Variants in C10orf90 observed in about 807,000 individuals in gnomAD.
The protein encoded by C10orf90 is (E2-independent) E3 ubiquitin-conjugating enzyme FATS.
In C10orf90, 56 loss-of-function variants were observed where a neutral mutation model predicts 62.5. That is an observed-to-expected ratio of 0.90 (90% confidence interval 0.72 to 1.12). The LOEUF (loss-of-function observed/expected upper bound fraction) is 1.12. Ranked by LOEUF, C10orf90 falls within the 50% of genes most tolerant of loss-of-function variation. The probability of loss-of-function intolerance (pLI) is 0.00; values close to 1 mark genes in which losing one functional copy is unlikely to be tolerated. For missense variants in C10orf90, 970 were observed against 880.4 expected (o/e 1.10, Z -1.29); for synonymous variants, 386 against 340.4 (o/e 1.13, Z -1.47).
chr10:126,624,247 A>G (rs2842156), intron 2 of C10orf90, among the ~76,000 whole-genome samples: 86,176 of 151,710 alleles, frequency 0.57, 24,617 homozygotes, highest in Middle Eastern at 0.68. Context: ...TGGGGAGGCC[A>G]AGGCAGGAGA....
chr10:126,454,653 G>A (rs1431680691), intron 7 of C10orf90, among the ~76,000 whole-genome samples: 1 of 151,044 alleles, frequency 6.6e-6, no homozygotes, highest in Non-Finnish European at 1.5e-5. Context: ...TGCAGGTACT[G>A]TCCCCACTAT....
chr10:126,660,025 A>G lies in C10orf90; in HGVS notation c.240+10216T>C, dbSNP rs117735636. Among the ~76,000 whole-genome samples the G allele has an allele frequency of 2.2e-3, 336 of 152,290 alleles. 9 individuals are homozygous for G. The East Asian group carries it at 0.06, about 27-fold the overall frequency. The stretch of plus-strand genomic sequence containing the variant: ...TGCCTCATGGAGCTCCCAGACAGAG[A>G]CTCCAACCTACGTGCTTTCAATCCC... On this transcript the variant is annotated intron_variant, in intron 1 of 9. Transcript: ENST00000488181.
At chr10:126,645,588 T>TAAAAAA (rs779008025) in intron 2 of C10orf90, among the ~76,000 whole-genome samples, 4 of 93,186 alleles carry the variant, frequency 4.3e-5, no homozygotes, top group Non-Finnish European at 6.8e-5. Context: ...AGACCCTGCC[T>TAAAAAA]AAAAAAAAAA....
At chr10:126,579,017 T>A (rs1191144460) in intron 2 of C10orf90, among the ~76,000 whole-genome samples, 1 of 152,124 alleles carries the variant, frequency 6.6e-6, no homozygotes, top group Non-Finnish European at 1.5e-5. Flanking sequence ...ACTGTACACT[T>A]GTAAAATGTG....
chr10:126,616,187 T>A (rs1845537514), intron 2 of C10orf90, among the ~76,000 whole-genome samples: 1 of 152,186 alleles, frequency 6.6e-6, no homozygotes, highest in South Asian at 2.1e-4. Context: ...AGGTGTGGAA[T>A]AAACTGGTTC....
rs144807067 is a variant in C10orf90 at position 126,560,657 on chromosome 10, C to T, written c.314-46718G>A. On this transcript the variant is annotated intron_variant, in intron 2 of 9. Coordinates refer to ENST00000488181, the MANE Select transcript of C10orf90 (RefSeq NM_001350921.2). ...AGCCATCCCCATGGAGACGCCTGCTCTTCTGTGCTAGAGGTCAGCAAACGT... is the reference window on the plus strand; with the variant it reads ...AGCCATCCCCATGGAGACGCCTGCTTTTCTGTGCTAGAGGTCAGCAAACGT... 2.9e-3 allele frequency among the ~76,000 whole-genome samples: 449 copies of T among 152,250 alleles called. 2 individuals are homozygous for T. The highest frequency in any genetic ancestry group is 4.0e-3 in the Non-Finnish European group (272 of 68,012).
chr10:126,519,704 T>C (rs1473253578), intron 2 of C10orf90, among the ~76,000 whole-genome samples: 1 of 152,226 alleles, frequency 6.6e-6, no homozygotes, highest in Non-Finnish European at 1.5e-5. Context: ...TTGGTGTGAT[T>C]TGGCGCTATT....
At chr10:126,609,132 GT>G (rs1170558448) in intron 2 of C10orf90, among the ~76,000 whole-genome samples, 1 of 152,196 alleles carries the variant, frequency 6.6e-6, no homozygotes, top group Non-Finnish European at 1.5e-5. Context: ...GCCAGGCGTG[GT>G]GGCTCACGCC....
intron 2 of C10orf90, among the ~76,000 whole-genome samples, chr10:126,558,771 T>C (rs570993975): frequency 6.6e-6 from 1 of 152,214 alleles, no homozygotes; most frequent in Non-Finnish European, 1.5e-5. Context: ...CCACTAGTAA[T>C]GTGTCTCTCT....
chr10:126,428,895 G>T (rs962820294), intron 8 of C10orf90, among the ~76,000 whole-genome samples: 1 of 151,924 alleles, frequency 6.6e-6, no homozygotes, highest in African/African-American at 2.4e-5. Flanking sequence ...CCTCATTTTC[G>T]CTTCCTTATT....
At chr10:126,647,592 G>C (rs1429901101) in intron 1 of C10orf90, among the ~76,000 whole-genome samples, 1 of 152,188 alleles carries the variant, frequency 6.6e-6, no homozygotes, top group African/African-American at 2.4e-5. Context: ...GAATGGGGTG[G>C]GACAAGGACC....
chr10:126,486,505 TA>T (rs1351693037), intron 4 of C10orf90, among the ~76,000 whole-genome samples: 3 of 152,064 alleles, frequency 2.0e-5, no homozygotes, highest in African/African-American at 7.2e-5. Flanking sequence ...ATGCCTCAGA[TA>T]AAAAATACAT....
At chr10:126,580,212 G>A (rs573341499) in intron 2 of C10orf90, among the ~76,000 whole-genome samples, 37 of 152,304 alleles carry the variant, frequency 2.4e-4, no homozygotes, top group South Asian at 2.1e-4. Context: ...GATGCCCACC[G>A]CTGTCCTAAC....
chr10:126,539,061 G>A (rs1311014579), intron 2 of C10orf90, among the ~76,000 whole-genome samples: 2 of 152,214 alleles, frequency 1.3e-5, no homozygotes, highest in African/African-American at 4.8e-5. Flanking sequence ...CCCAGCTGCA[G>A]GGCCATGGGG....
chr10:126,574,363 T>C (rs1844568973), intron 2 of C10orf90, among the ~76,000 whole-genome samples: 1 of 151,984 alleles, frequency 6.6e-6, no homozygotes, highest in South Asian at 2.1e-4. Context: ...AATGGGAAGT[T>C]CACAGAAGAA....
chr10:126,461,646 C>A, intron 5 of C10orf90, 61 bp from the exon 6 acceptor site: 376 of 1,346,146 alleles, frequency 2.8e-4, no homozygotes, highest in East Asian at 5.4e-4. Context: ...CGTGGCTCCT[C>A]AATACCATTA....
intron 2 of C10orf90, among the ~76,000 whole-genome samples, chr10:126,517,540 G>C (rs190365017): frequency 2.0e-3 from 305 of 152,246 alleles, no homozygotes; most frequent in African/African-American, 7.1e-3. Flanking sequence ...TATTGGGAGA[G>C]TGACTGACAA....
intron 2 of C10orf90, among the ~76,000 whole-genome samples, chr10:126,586,039 C>G (rs574996500): frequency 2.3e-4 from 35 of 152,352 alleles, no homozygotes; most frequent in African/African-American, 8.4e-4. Flanking sequence ...ACCAAGGCAA[C>G]TCATTTTCTT....
At chr10:126,580,924 G>T (rs1352279063) in intron 2 of C10orf90, among the ~76,000 whole-genome samples, 1 of 121,134 alleles carries the variant, frequency 8.3e-6, no homozygotes, top group Non-Finnish European at 1.7e-5. Context: ...CACATTGTCA[G>T]TTCTCCCCTG....
Sources: allele counts gnomAD v4.1 joint callset (sites outside exome capture counted in the v4.1 genomes callset), GRCh38; gene constraint gnomAD v4.1.1; transcripts MANE v1.5; gene names NCBI Gene and HGNC (gene_info 2026-07-23, HGNC 2026-07-21).